Variants in HMGXB4 observed in about 807,000 individuals in gnomAD.
HMGXB4 encodes HMG-box containing 4, also known as HMG domain-containing protein 4.
Under a neutral mutation model 63.9 loss-of-function variants are expected in HMGXB4, and 27 were observed. The observed-to-expected ratio is 0.42, with a 90% CI of 0.31 to 0.58. The LOEUF is 0.58. HMGXB4 is among the 20% of genes least tolerant of loss of function. The pLI, the probability that HMGXB4 is intolerant of heterozygous loss-of-function variation, is 0.13. For missense variants in HMGXB4, 624 were observed against 700.7 expected, an observed-to-expected ratio of 0.89 and a Z score of 1.24; for synonymous variants, 264 against 265.3, an observed-to-expected ratio of 0.99 and a Z score of 0.05.
intron 5 of HMGXB4, among the ~76,000 whole-genome samples, chr22:35,282,203 G>A (rs1924286217): frequency 6.6e-6 from 1 of 152,162 alleles, no homozygotes; most frequent in Non-Finnish European, 1.5e-5. Context: ...TTGAAACGGA[G>A]TCTCGCTCTG....
At chr22:35,283,941 G>C (rs1924415596) in intron 5 of HMGXB4, 21 bp from the exon 6 acceptor site, 1 of 1,583,342 alleles carries the variant, frequency 6.3e-7, no homozygotes, top group Non-Finnish European at 8.7e-7. Context: ...TTACCCTGTT[G>C]TATCTTCTAT....
chr22:35,248,835 C>T, the HMGXB4 span, among the ~76,000 whole-genome samples: 1 of 152,146 alleles, frequency 6.6e-6, no homozygotes, highest in Admixed American at 6.5e-5. Flanking sequence ...CCACCGGGCC[C>T]CATCCAATGC....
At chr22:35,263,248 T>G in intron 3 of HMGXB4, 22 bp downstream of exon 3, 1 of 1,591,920 alleles carries the variant, frequency 6.3e-7, no homozygotes, top group Non-Finnish European at 8.5e-7. Flanking sequence ...AAATTTAAAT[T>G]AGGAAAGTCT....
Position 35,293,778 on chromosome 22 carries a change from T to TAC in HMGXB4, c.*128_*129insCA. On this transcript the variant is annotated 3_prime_UTR_variant, in exon 11 of 11. Coordinates refer to ENST00000216106, the MANE Select transcript of HMGXB4 (RefSeq NM_001003681.3). ...AAATTTTTATATCTATACATACATA[T>TAC]ATACATATATATATAATGTACAATA... 1.9e-6 allele frequency: 1 copy of TAC among 518,782 alleles called. No individual in the cohort carries two copies. 32.1% of individuals were successfully genotyped at this position (518,782 alleles called of 1,614,324 possible).
the HMGXB4 span, among the ~76,000 whole-genome samples, chr22:35,241,755 G>T: frequency 6.6e-6 from 1 of 152,232 alleles, no homozygotes; most frequent in Non-Finnish European, 1.5e-5. Flanking sequence ...TTCTGCAGTT[G>T]GGGCACTCAC....
At chr22:35,291,803 G>T (rs1023394327) in intron 9 of HMGXB4, among the ~76,000 whole-genome samples, 2 of 152,184 alleles carry the variant, frequency 1.3e-5, no homozygotes. Context: ...ACTTTCTCTA[G>T]AGTTTAGCCC....
intron 5 of HMGXB4, among the ~76,000 whole-genome samples, chr22:35,271,545 TACAA>T (rs1023037631): frequency 9.2e-5 from 14 of 152,202 alleles, no homozygotes; most frequent in Admixed American, 3.9e-4. Context: ...TTCACCCACT[TACAA>T]ACAATGTGAT....
At chr22:35,277,173 G>A (rs1014344635) in intron 5 of HMGXB4, among the ~76,000 whole-genome samples, 2 of 152,146 alleles carry the variant, frequency 1.3e-5, no homozygotes, top group African/African-American at 4.8e-5. Context: ...GTTCTCATCC[G>A]AGGCTCAAGC....
At chr22:35,286,703 A>T (rs1924599623) in intron 7 of HMGXB4, among the ~76,000 whole-genome samples, 2 of 152,128 alleles carry the variant, frequency 1.3e-5, no homozygotes, top group African/African-American at 4.8e-5. Context: ...ACAAAAAATT[A>T]GCCAGGCATG....
At position 35,261,299 on chromosome 22, in the gene HMGXB4, G is replaced by A. The variant is rs191292564; in HGVS notation, c.-68-1024G>A. ...AAAAATACAAAAATTAGCCAGGCTC[G>A]GTGGCAGGCGCCTGTAATCTCAGCT... On this transcript the variant is annotated intron_variant, in intron 1 of 10. Transcript: ENST00000216106. Among the ~76,000 whole-genome samples, 327 of 152,146 alleles carry A rather than the reference G, an allele frequency of 2.1e-3. 3 individuals carry two copies. Among genetic ancestry groups the A allele is most frequent in the African/African-American group, 7.4e-3 (307 of 41,514 alleles).
chr22:35,265,747 A>C (rs1923199005), intron 5 of HMGXB4, 144 bp downstream of exon 5: 14 of 1,196,798 alleles, frequency 1.2e-5, no homozygotes, highest in Non-Finnish European at 1.6e-5. Context: ...TATAAAGTAT[A>C]AAATATTACC....
intron 5 of HMGXB4, among the ~76,000 whole-genome samples, chr22:35,275,183 G>T (rs969450418): frequency 7.1e-6 from 1 of 141,618 alleles, no homozygotes; most frequent in African/African-American, 2.7e-5. Context: ...ACAATGGTGC[G>T]ATCTCAGCTC....
At chr22:35,292,753 A>G (rs1230431150) in intron 9 of HMGXB4, among the ~76,000 whole-genome samples, 1 of 152,228 alleles carries the variant, frequency 6.6e-6, no homozygotes, top group Non-Finnish European at 1.5e-5. Context: ...TGAACTCCCC[A>G]AGGTCACTCA....
At chr22:35,291,574 G>A (rs550130023) in intron 9 of HMGXB4, among the ~76,000 whole-genome samples, 310 of 152,166 alleles carry the variant, frequency 2.0e-3, no homozygotes, top group Non-Finnish European at 2.8e-3. Flanking sequence ...ATAAATATAG[G>A]GCAAAGGAAA....
intron 5 of HMGXB4, among the ~76,000 whole-genome samples, chr22:35,277,016 A>T (rs1199965544): frequency 6.6e-6 from 1 of 152,224 alleles, no homozygotes; most frequent in East Asian, 1.9e-4. Context: ...CTCTTGTGGC[A>T]TAAAAAATTA....
chr22:35,274,371 A>T (rs186385471), intron 5 of HMGXB4, among the ~76,000 whole-genome samples: 1 of 152,236 alleles, frequency 6.6e-6, no homozygotes, highest in East Asian at 1.9e-4. Flanking sequence ...AGTCAGCGAA[A>T]GGTATGTAGA....
At chr22:35,244,625 T>C in the HMGXB4 span, among the ~76,000 whole-genome samples, 1 of 152,220 alleles carries the variant, frequency 6.6e-6, no homozygotes, top group South Asian at 2.1e-4. Context: ...CTCTTCCTTA[T>C]TTAAAGGTGT....
intron 5 of HMGXB4, among the ~76,000 whole-genome samples, chr22:35,282,321 C>T (rs1476036299): frequency 1.3e-5 from 2 of 152,156 alleles, no homozygotes; most frequent in South Asian, 2.1e-4. Flanking sequence ...GGACTACAGG[C>T]GCCCACCACC....
At chr22:35,256,132 T>TA (rs1922390573), upstream of HMGXB4, among the ~76,000 whole-genome samples, 1 of 152,218 alleles carries the variant, frequency 6.6e-6, no homozygotes, top group Non-Finnish European at 1.5e-5. Flanking sequence ...AACCAGAGTC[T>TA]AACAATCTGG....
Sources: allele counts gnomAD v4.1 joint callset (sites outside exome capture counted in the v4.1 genomes callset), GRCh38; gene constraint gnomAD v4.1.1; transcripts MANE v1.5; gene names NCBI Gene and HGNC (gene_info 2026-07-23, HGNC 2026-07-21).